UNC80: variants seen among roughly 807,000 people sequenced by gnomAD.
The protein encoded by UNC80 is unc-80 subunit of NALCN channel complex, also known as protein unc-80 homolog.
A neutral mutation model predicts 384.6 loss-of-function variants in UNC80; 164 were observed. The ratio of observed to expected loss-of-function variants is 0.43; its 90% CI spans 0.38 to 0.49. The LOEUF is 0.49. UNC80 is among the 20% of genes least tolerant of loss of function. The pLI is 0.00. For missense variants in UNC80, 3,330 were observed against 4,143.0 expected (o/e 0.80, Z 5.39); for synonymous variants, 1,486 against 1,527.8 (o/e 0.97, Z 0.64).
chr2:209,837,676 CAACT>C (rs2081419871), intron 18 of UNC80, among the ~76,000 whole-genome samples: 1 of 152,074 alleles, frequency 6.6e-6, no homozygotes, highest in African/African-American at 2.4e-5. Context: ...ATAATCTATT[CAACT>C]GTTTCCGTGG....
At chr2:209,826,569 G>A (rs549403053) in intron 14 of UNC80, among the ~76,000 whole-genome samples, 1 of 152,242 alleles carries the variant, frequency 6.6e-6, no homozygotes, top group African/African-American at 2.4e-5. Context: ...ATTTGAGAAT[G>A]AACCTTGCCT....
At chr2:209,879,327 G>C (rs1004488425) in intron 24 of UNC80, among the ~76,000 whole-genome samples, 1 of 152,172 alleles carries the variant, frequency 6.6e-6, no homozygotes. Context: ...GAGAGAAGTT[G>C]AAGCAACATT....
In UNC80 at chr2:209,813,720, G is replaced by A. The variant is rs532329476; in HGVS notation, c.1079G>A (p.Arg360Gln). The A allele has an allele frequency of 1.0e-5, 16 of 1,551,572 alleles. No homozygotes were observed. The highest frequency in any genetic ancestry group is 4.1e-5 in the African/African-American group (3 of 72,990). ...WSLMYYLQRL[R>Q]HMLEEKPEKP... ...CTGATGTACTATCTACAAAGGCTGC[G>A]ACACATGTTGGAAGAGAAGCCAGAA... is the stretch of plus-strand genomic sequence containing the variant. The change falls in exon 8 of 65, where the codon CGA becomes CAA. Residue 360 changes from arginine (R) to glutamine (Q), a missense_variant. Arg to Gln is a conservative substitution (Grantham distance 43). Around this residue, in one of 8 missense-constraint regions of UNC80, gnomAD observed 937 missense variants for 1,026.8 expected, o/e 0.91. Transcript: ENST00000673920.
intron 38 of UNC80, among the ~76,000 whole-genome samples, chr2:209,931,838 A>G (rs751347120): frequency 1.3e-5 from 2 of 152,230 alleles, no homozygotes; most frequent in Non-Finnish European, 2.9e-5. Flanking sequence ...ATATGAATAA[A>G]TGTCCAATCC....
In UNC80 at chr2:209,978,582, C is replaced by T. The variant is rs763206585; in HGVS notation, c.8992C>T (p.Arg2998Cys). 6 of 1,551,200 alleles carry T rather than the reference C, an allele frequency of 3.9e-6. No homozygotes were observed. The highest frequency in any genetic ancestry group is 2.0e-5 in the Admixed American group (1 of 50,984). Residue 2998 changes from arginine to cysteine, a missense_variant, in exon 59 of 65, where the codon CGC becomes TGC. Arg to Cys is a radical substitution (Grantham distance 180). Coordinates refer to ENST00000673920, the MANE Select transcript of UNC80 (RefSeq NM_001371986.1). ...STVGTSTSAY[R>C]LSLATMSRSN... ...CGTGGGCACCTCCACCTCTGCTTAC[C>T]GCCTGAGCTTGGCCACCATGTCCCG... is the stretch of plus-strand genomic sequence containing the variant.
chr2:209,866,883 A>C (rs2083876602), intron 22 of UNC80, among the ~76,000 whole-genome samples: 1 of 152,120 alleles, frequency 6.6e-6, no homozygotes, highest in Admixed American at 6.5e-5. Flanking sequence ...TCTTGTTCAC[A>C]GTGGATTATT....
intron 29 of UNC80, among the ~76,000 whole-genome samples, chr2:209,908,468 G>C (rs1319977679): frequency 1.3e-5 from 2 of 152,118 alleles, no homozygotes; most frequent in Non-Finnish European, 2.9e-5. Context: ...CTTTACCAAA[G>C]AATTCTGAGA....
At chr2:209,810,241 C>T (rs1004817968) in intron 7 of UNC80, among the ~76,000 whole-genome samples, 2 of 152,112 alleles carry the variant, frequency 1.3e-5, no homozygotes, top group African/African-American at 4.8e-5. Context: ...AAGTGGGGTG[C>T]TCTGGTCTGC....
At chr2:209,819,409 T>C in intron 12 of UNC80, 148 bp downstream of exon 12, 1 of 827,638 alleles carries the variant, frequency 1.2e-6, no homozygotes, top group Non-Finnish European at 1.8e-6. Context: ...AATTCACCAA[T>C]GTTTCAACCA....
rs1379019282 is a variant in UNC80, at chr2:209,849,502, G to C, written c.3506G>C (p.Ser1169Thr). Residue 1169 changes from serine (S) to threonine (T), a missense_variant, in exon 22 of 65, where the codon AGC becomes ACC. This residue lies in a region of UNC80 where 801 missense variants were observed against 950.8 expected (regional missense o/e 0.84). Coordinates refer to ENST00000673920, the MANE Select transcript of UNC80 (RefSeq NM_001371986.1). ...HLSPNQDGGK[S>T]KNVVNLGAIR... ...TCTCCCAACCAAGATGGTGGAAAAA[G>C]CAAAAACGTGGTGAATCTTGGAGCA... 6.4e-7 allele frequency: 1 copy of C among 1,550,936 alleles called. No homozygotes were observed. Among genetic ancestry groups the C allele is most frequent in the Admixed American group, 2.0e-5 (1 of 50,952 alleles).
chr2:209,831,343 T>C lies in UNC80; in HGVS notation c.2627-100T>C. 5.6e-6 allele frequency: 7 copies of C among 1,246,632 alleles called. No individual in the cohort carries two copies. The South Asian group carries it at 1.0e-4, about 18-fold the overall frequency. 77.2% of individuals were successfully genotyped at this position (1,246,632 alleles called of 1,614,324 possible). A position where few individuals can be genotyped will look rare whatever the true frequency, so the allele number is the denominator to read the frequency against. ...TAATTCCTTGTTTCTGTATTTCACA[T>C]AGCACTTCACTAATTCCTGGGTGCC... On this transcript the variant is annotated intron_variant, in intron 15 of 64. Coordinates refer to ENST00000673920, the MANE Select transcript of UNC80 (RefSeq NM_001371986.1).
At chr2:209,985,754 A>G (rs1490726869) in intron 61 of UNC80, among the ~76,000 whole-genome samples, 1 of 152,188 alleles carries the variant, frequency 6.6e-6, no homozygotes, top group Non-Finnish European at 1.5e-5. Flanking sequence ...TGCCATCTCA[A>G]GAGATAACAT....
intron 9 of UNC80, among the ~76,000 whole-genome samples, chr2:209,815,683 C>T (rs1265422181): frequency 2.0e-5 from 3 of 152,092 alleles, no homozygotes; most frequent in Non-Finnish European, 4.4e-5. Flanking sequence ...GTTGTGGTAA[C>T]GATGATGGTA....
chr2:209,834,912 G>A lies in UNC80; in HGVS notation c.2943G>A (p.Arg981=), dbSNP rs896768926. 1 of 1,549,046 alleles carries A rather than the reference G, an allele frequency of 6.5e-7. No homozygotes were observed. Among genetic ancestry groups the A allele is most frequent in the Non-Finnish European group, 8.7e-7 (1 of 1,145,180 alleles). ...TTGTTGGAATGCACCATTTGCATAG[G>A]TCAGAGGCGGGAAGCATTGTGGATA... is the stretch of plus-strand genomic sequence containing the variant. The part of the protein sequence containing the change: ...EQESKPAGSK[R]SEAGSIVDKG... Residue 981 remains arginine (R), a splice_region_variant and synonymous_variant, in exon 18 of 65, where the codon AGG becomes AGA. Coordinates refer to ENST00000673920, the MANE Select transcript of UNC80 (RefSeq NM_001371986.1).
chr2:209,898,844 T>A (rs1196962100), intron 28 of UNC80, among the ~76,000 whole-genome samples: 1 of 152,206 alleles, frequency 6.6e-6, no homozygotes, highest in Non-Finnish European at 1.5e-5. Flanking sequence ...TTTTAGATCA[T>A]CCCACAAGTA....
rs568304795 is a variant in UNC80 at position 209,909,149 on chromosome 2, C to A, written c.4783-3411C>A. On this transcript the variant is annotated intron_variant, in intron 29 of 64. Coordinates refer to ENST00000673920, the MANE Select transcript of UNC80 (RefSeq NM_001371986.1). ...TCTTTCCTACACTTCTCTAGGAGTGCAGGCACCTACTCCAGAAGTTAGTCT... is the reference window on the plus strand; with the variant it reads ...TCTTTCCTACACTTCTCTAGGAGTGAAGGCACCTACTCCAGAAGTTAGTCT... 9.2e-5 allele frequency among the ~76,000 whole-genome samples: 14 copies of A among 152,270 alleles called. 1 individual carries two copies. The South Asian group carries it at 2.9e-3, about 32-fold the overall frequency.
Position 209,936,950 on chromosome 2 carries a change from G to A in UNC80, c.6363+17G>A. The A allele has an allele frequency of 6.7e-7, 1 of 1,501,988 alleles. No individual in the cohort carries two copies. The highest frequency in any genetic ancestry group is 9.1e-7 in the Non-Finnish European group (1 of 1,101,962). 93.0% of individuals were successfully genotyped at this position (1,501,988 alleles called of 1,614,324 possible). A position where few individuals can be genotyped will look rare whatever the true frequency, so the allele number is the denominator to read the frequency against. On this transcript the variant is annotated intron_variant, in intron 41 of 64. Coordinates refer to ENST00000673920, the MANE Select transcript of UNC80 (RefSeq NM_001371986.1). ...TACAATAAGGTGAGACACCAGTAGT[G>A]ACATCCCCGTTGAGTTGTGCCAAAG...
chr2:209,824,476 A>G (rs1255579284), intron 13 of UNC80, among the ~76,000 whole-genome samples: 1 of 152,166 alleles, frequency 6.6e-6, no homozygotes, highest in Non-Finnish European at 1.5e-5. Flanking sequence ...GGTGAGGCAA[A>G]GAGACCTTTT....
intron 27 of UNC80, among the ~76,000 whole-genome samples, chr2:209,895,120 A>T (rs545802351): frequency 1.3e-5 from 2 of 152,358 alleles, no homozygotes; most frequent in African/African-American, 4.8e-5. Flanking sequence ...AAGAGATTTC[A>T]AATACCAAAA....
Sources: gnomAD v4.1 joint callset for allele counts (sites outside exome capture counted in the v4.1 genomes callset) on GRCh38, gnomAD v4.1.1 for gene constraint, gnomAD v4.1.1 regional missense constraint, MANE v1.5 for transcripts, NCBI Gene and HGNC (gene_info 2026-07-23, HGNC 2026-07-21) for gene names.